RBFOX1: variants seen among roughly 807,000 people sequenced by gnomAD.
RBFOX1 encodes the protein RNA binding fox-1 homolog 1.
Under a neutral mutation model 57.7 loss-of-function variants are expected in RBFOX1, and 8 were observed. The ratio of observed to expected loss-of-function variants is 0.14; its 90% CI spans 0.08 to 0.25. The LOEUF is 0.25. Ranked by LOEUF, RBFOX1 falls within the 10% of genes least tolerant of loss-of-function variation. The pLI, the probability that RBFOX1 is intolerant of heterozygous loss-of-function variation, is 1.00. For synonymous variants in RBFOX1, 326 were observed against 222.4 expected (o/e 1.47, Z -4.15); for missense variants, 611 against 548.5 (o/e 1.11, Z -1.14).
At chr16:5,252,410 T>G (rs1215603894) in intron 1 of RBFOX1, among the ~76,000 whole-genome samples, 1 of 152,248 alleles carries the variant, frequency 6.6e-6, no homozygotes, top group Non-Finnish European at 1.5e-5. Flanking sequence ...AATTCAAGTT[T>G]AACTGGCATC....
At chr16:6,256,347 T>C (rs1023613051) in intron 1 of RBFOX1, among the ~76,000 whole-genome samples, 1 of 146,314 alleles carries the variant, frequency 6.8e-6, no homozygotes, top group African/African-American at 2.5e-5. Flanking sequence ...GAAAGGATGG[T>C]CCAAGAAGGG....
intron 5 of RBFOX1, among the ~76,000 whole-genome samples, chr16:7,523,649 G>A (rs1230962912): frequency 1.3e-5 from 2 of 152,216 alleles, no homozygotes; most frequent in African/African-American, 4.8e-5. Context: ...AGGGGCTGAA[G>A]CAGGTGGGCT....
chr16:6,385,997 G>A (rs966726719), intron 2 of RBFOX1, among the ~76,000 whole-genome samples: 12 of 149,726 alleles, frequency 8.0e-5, no homozygotes, highest in Non-Finnish European at 1.3e-4. Flanking sequence ...GTGCAGTGGC[G>A]CGATCTCGGC....
chr16:7,601,998 C>T (rs1425258794), intron 9 of RBFOX1, among the ~76,000 whole-genome samples: 1 of 152,162 alleles, frequency 6.6e-6, no homozygotes. Flanking sequence ...TCTCTGACAT[C>T]CTTAGTATAT....
chr16:6,270,672 C>G (rs753560820), intron 1 of RBFOX1, among the ~76,000 whole-genome samples: 1 of 152,082 alleles, frequency 6.6e-6, no homozygotes, highest in Non-Finnish European at 1.5e-5. Context: ...AATAGGAAAA[C>G]TAGACTGAAA....
At chr16:5,612,272 C>A (rs1435494448) in intron 3 of RBFOX1, among the ~76,000 whole-genome samples, 4 of 151,390 alleles carry the variant, frequency 2.6e-5, no homozygotes, top group Non-Finnish European at 4.4e-5. Flanking sequence ...CATCTACTCT[C>A]CCAGTCACTC....
intron 3 of RBFOX1, among the ~76,000 whole-genome samples, chr16:6,994,577 G>A (rs1010487249): frequency 2.0e-5 from 3 of 152,042 alleles, no homozygotes; most frequent in Non-Finnish European, 4.4e-5. Flanking sequence ...TTTCATGTTG[G>A]GTCCAGCACC....
At chr16:6,295,416 G>A (rs1024795502) in intron 1 of RBFOX1, among the ~76,000 whole-genome samples, 2 of 152,156 alleles carry the variant, frequency 1.3e-5, no homozygotes, top group Non-Finnish European at 2.9e-5. Flanking sequence ...AAGCCACCGT[G>A]CCTGGCCCCT....
At chr16:5,521,717 C>G (rs1427415744) in intron 2 of RBFOX1, among the ~76,000 whole-genome samples, 2 of 152,200 alleles carry the variant, frequency 1.3e-5, no homozygotes, top group Non-Finnish European at 1.5e-5. Flanking sequence ...GAGCCCAAGA[C>G]TTGGTTAGGG....
At chr16:5,920,797 G>T (rs2058804354) in intron 4 of RBFOX1, among the ~76,000 whole-genome samples, 1 of 152,202 alleles carries the variant, frequency 6.6e-6, no homozygotes, top group Admixed American at 6.5e-5. Context: ...AATTCTTCCT[G>T]CTCAGCATTA....
At chr16:6,868,228 C>G (rs1390700307) in intron 3 of RBFOX1, among the ~76,000 whole-genome samples, 1 of 151,962 alleles carries the variant, frequency 6.6e-6, no homozygotes, top group Non-Finnish European at 1.5e-5. Context: ...TTTATAGAAA[C>G]AGAAATACTT....
chr16:7,569,663 T>C (rs12445956), intron 5 of RBFOX1, among the ~76,000 whole-genome samples: 83,949 of 152,064 alleles, frequency 0.55, 23,379 homozygotes, highest in East Asian at 0.67. Context: ...ATTATGTTGT[T>C]TTCCACAGAA....
chr16:6,237,745 A>G (rs925824010), intron 1 of RBFOX1, among the ~76,000 whole-genome samples: 3 of 152,048 alleles, frequency 2.0e-5, no homozygotes, highest in African/African-American at 7.3e-5. Flanking sequence ...CATCTCAAAA[A>G]TAAAACAAAA....
intron 3 of RBFOX1, among the ~76,000 whole-genome samples, chr16:6,769,229 C>T (rs192473560): frequency 6.6e-6 from 1 of 152,136 alleles, no homozygotes; most frequent in African/African-American, 2.4e-5. Context: ...TTTCCCTGCA[C>T]AAGTTCTTTC....
rs766701528 is a variant in RBFOX1 at position 7,709,085 on chromosome 16, A to AC, written c.1027dup (p.His343ProfsTer23). The AC allele has an allele frequency of 6.2e-7, 1 of 1,613,462 alleles. No homozygotes were observed. Among genetic ancestry groups the AC allele is most frequent in the Non-Finnish European group, 8.5e-7 (1 of 1,179,748 alleles). ...GGACGAGTTTATGCTGCCGACCCCT[A>AC]CCACCACGCACTTGCTCCAGCCCCC... On this transcript the variant is annotated frameshift_variant, in exon 15 of 16. Transcript: ENST00000550418. LOFTEE classifies it high-confidence loss of function.
chr16:6,264,993 C>A (rs775519715), intron 1 of RBFOX1, among the ~76,000 whole-genome samples: 2 of 152,276 alleles, frequency 1.3e-5, no homozygotes, highest in South Asian at 4.1e-4. Flanking sequence ...CACCCAACCT[C>A]GTCCTGCCTC....
At chr16:5,317,245 T>G (rs1412414156) in intron 1 of RBFOX1, among the ~76,000 whole-genome samples, 1 of 152,240 alleles carries the variant, frequency 6.6e-6, no homozygotes, top group Non-Finnish European at 1.5e-5. Flanking sequence ...GTATTTTCTA[T>G]TGGTTCTGTC....
intron 4 of RBFOX1, among the ~76,000 whole-genome samples, chr16:7,057,819 C>T (rs750533861): frequency 2.6e-5 from 4 of 152,046 alleles, no homozygotes; most frequent in African/African-American, 4.8e-5. Context: ...ACTAGCCTAG[C>T]CAACATGGTG....
At chr16:7,710,471 C>A (rs1373031136) in intron 15 of RBFOX1, 152 bp from the exon 16 acceptor site, 1 of 1,508,082 alleles carries the variant, frequency 6.6e-7, no homozygotes, top group East Asian at 2.4e-5. Flanking sequence ...ATGGCCCTAT[C>A]TTTAGTTCTC....
Sources: gnomAD v4.1 joint callset for allele counts (sites outside exome capture counted in the v4.1 genomes callset) on GRCh38, gnomAD v4.1.1 for gene constraint, MANE v1.5 for transcripts, NCBI Gene and HGNC (gene_info 2026-07-23, HGNC 2026-07-21) for gene names.